The following HTR3B variants were observed in gnomAD, a reference collection of about 807,000 sequenced individuals.
The protein encoded by HTR3B is 5-hydroxytryptamine receptor 3B, also known as 5-hydroxytryptamine (serotonin) receptor 3B, ionotropic.
Under a neutral mutation model 42.8 loss-of-function variants are expected in HTR3B, and 44 were observed. The observed-to-expected ratio is 1.03, with a 90% confidence interval of 0.81 to 1.32. HTR3B has a LOEUF of 1.32. Among genes scored for constraint, HTR3B ranks in the 40% most tolerant of loss-of-function variants. The probability of loss-of-function intolerance (pLI) is 0.00; values close to 1 mark genes in which losing one functional copy is unlikely to be tolerated. For missense variants in HTR3B, 527 were observed against 536.5 expected, an observed-to-expected ratio of 0.98 and a Z score of 0.17; for synonymous variants, 203 against 209.0, an observed-to-expected ratio of 0.97 and a Z score of 0.25.
At chr11:113,899,083 GGTAAGTCT>G in the HTR3B span, among the ~76,000 whole-genome samples, 1 of 152,126 alleles carries the variant, frequency 6.6e-6, no homozygotes, top group Non-Finnish European at 1.5e-5. Context: ...TGCACAATGA[GGTAAGTCT>G]GACTTGAAGG....
the HTR3B span, among the ~76,000 whole-genome samples, chr11:113,899,656 T>A: frequency 7.2e-5 from 11 of 152,312 alleles, no homozygotes; most frequent in Admixed American, 7.2e-4. Context: ...TAAAAACTAT[T>A]TAGTAGTCTT....
At chr11:113,905,852 A>AT (rs1294455982) in intron 1 of HTR3B, among the ~76,000 whole-genome samples, 2 of 152,190 alleles carry the variant, frequency 1.3e-5, no homozygotes, top group South Asian at 2.1e-4. Flanking sequence ...GCTGGAAATG[A>AT]TTTTTTTATT....
At chr11:113,936,035 C>A (rs1950089347) in intron 6 of HTR3B, among the ~76,000 whole-genome samples, 1 of 152,070 alleles carries the variant, frequency 6.6e-6, no homozygotes, top group Non-Finnish European at 1.5e-5. Context: ...CCACAGGGGG[C>A]CCAGAGCATA....
Position 113,943,203 on chromosome 11 carries a change from T to A in HTR3B, c.907+11T>A. 1 of 1,601,476 alleles carries A rather than the reference T, an allele frequency of 6.2e-7. No individual in the cohort carries two copies. Among genetic ancestry groups the A allele is most frequent in the South Asian group, 1.1e-5 (1 of 90,224 alleles). On this transcript the variant is annotated intron_variant, in intron 7 of 8. Transcript: ENST00000260191. ...GCACCCCTCTGATTGGTAAGCAGCC[T>A]CGGGGTCACTGGACACTCATCTTAC...
chr11:113,914,428 C>T (rs777852756), intron 2 of HTR3B, among the ~76,000 whole-genome samples: 2 of 150,690 alleles, frequency 1.3e-5, no homozygotes, highest in Non-Finnish European at 3.0e-5. Context: ...CACGCCATTG[C>T]ACTCCAGCCT....
chr11:113,902,400 G>C (rs982408036), upstream of HTR3B, among the ~76,000 whole-genome samples: 2 of 152,012 alleles, frequency 1.3e-5, no homozygotes, highest in Non-Finnish European at 2.9e-5. Flanking sequence ...GGGTTCACAA[G>C]ATTCTCATGC....
intron 2 of HTR3B, among the ~76,000 whole-genome samples, chr11:113,917,751 C>T: frequency 6.6e-6 from 1 of 152,034 alleles, no homozygotes; most frequent in East Asian, 1.9e-4. Context: ...ACTACAGGCA[C>T]ATGCCACCAC....
intron 2 of HTR3B, among the ~76,000 whole-genome samples, chr11:113,919,408 A>G (rs1223125158): frequency 6.6e-6 from 1 of 152,196 alleles, no homozygotes; most frequent in African/African-American, 2.4e-5. Flanking sequence ...TTCAGTTTCA[A>G]TTTATTTTAA....
intron 6 of HTR3B, 44 bp downstream of exon 6, chr11:113,933,137 C>A: frequency 1.9e-6 from 3 of 1,584,704 alleles, no homozygotes; most frequent in South Asian, 2.3e-5. Flanking sequence ...TTCTCCCCAG[C>A]CTTTGGCCTT....
intron 6 of HTR3B, among the ~76,000 whole-genome samples, chr11:113,936,000 G>A (rs1233361641): frequency 6.6e-6 from 1 of 152,066 alleles, no homozygotes; most frequent in Admixed American, 6.6e-5. Flanking sequence ...AGGACACCAC[G>A]GATACTTTGG....
In HTR3B at chr11:113,947,431, A is replaced by T. The variant is rs772981729; in HGVS notation, c.*1294A>T. Among the ~76,000 whole-genome samples the T allele has an allele frequency of 6.6e-6, 1 of 152,210 alleles. No individual in the cohort carries two copies. The highest frequency in any genetic ancestry group is 1.5e-5 in the Non-Finnish European group (1 of 68,032). ...TCCACTGTCCCTGAACTAGTCAGCT[A>T]GGAAATACTACACACTAAGTTGCTT... On this transcript the variant is annotated 3_prime_UTR_variant, in exon 9 of 9. Coordinates refer to ENST00000260191, the MANE Select transcript of HTR3B (RefSeq NM_006028.5).
upstream of HTR3B, among the ~76,000 whole-genome samples, chr11:113,904,445 C>T (rs1949719392): frequency 6.6e-6 from 1 of 152,156 alleles, no homozygotes; most frequent in African/African-American, 2.4e-5. Flanking sequence ...ATTCAAGAGC[C>T]CAAGAACCAC....
intron 3 of HTR3B, 111 bp from the exon 4 acceptor site, chr11:113,931,647 A>T: frequency 1.3e-6 from 1 of 741,192 alleles, no homozygotes; most frequent in Non-Finnish European, 2.3e-6. Context: ...CCTAACAGGT[A>T]GAACCAAGAG....
intron 2 of HTR3B, among the ~76,000 whole-genome samples, chr11:113,913,349 AATTTTTTT>A: frequency 1.5e-5 from 1 of 67,240 alleles, no homozygotes; most frequent in Admixed American, 2.0e-4. Flanking sequence ...ATGTCTGGCT[AATTTTTTT>A]TTTTTTTTTT....
At position 113,932,918 on chromosome 11, in the gene HTR3B, T is replaced by C. The variant is rs1950051357; in HGVS notation, c.539-18T>C. 1 of 1,609,376 alleles carries C rather than the reference T, an allele frequency of 6.2e-7. No individual in the cohort carries two copies. Among genetic ancestry groups the C allele is most frequent in the Non-Finnish European group, 8.5e-7 (1 of 1,177,678 alleles). ...TCTCTTTCTCTCTGGGAAAGTCAAT[T>C]GTTTGTGTTGTTTGCAGTGGAAGAC... On this transcript the variant is annotated intron_variant, in intron 5 of 8. Coordinates refer to ENST00000260191, the MANE Select transcript of HTR3B (RefSeq NM_006028.5).
At chr11:113,944,140 C>T (rs1208895512) in intron 7 of HTR3B, among the ~76,000 whole-genome samples, 5 of 151,774 alleles carry the variant, frequency 3.3e-5, no homozygotes, top group Non-Finnish European at 7.4e-5. Flanking sequence ...CTGCCTCAGC[C>T]TCCAGAGTAG....
At chr11:113,917,928 C>T (rs1949872926) in intron 2 of HTR3B, among the ~76,000 whole-genome samples, 1 of 152,140 alleles carries the variant, frequency 6.6e-6, no homozygotes, top group Admixed American at 6.6e-5. Context: ...TGAACAGATC[C>T]TTTTACTGTT....
intron 2 of HTR3B, among the ~76,000 whole-genome samples, chr11:113,920,038 CT>C (rs1214611611): frequency 3.3e-5 from 5 of 151,628 alleles, no homozygotes; most frequent in African/African-American, 1.2e-4. Context: ...TTTATTTTTA[CT>C]TTTTTTGAGA....
intron 6 of HTR3B, among the ~76,000 whole-genome samples, chr11:113,937,218 A>G (rs1950098735): frequency 6.6e-6 from 1 of 152,198 alleles, no homozygotes; most frequent in Non-Finnish European, 1.5e-5. Context: ...CAGAAGCAGG[A>G]GTCACTGCTT....
Sources: allele counts gnomAD v4.1 joint callset (sites outside exome capture counted in the v4.1 genomes callset), GRCh38; gene constraint gnomAD v4.1.1; transcripts MANE v1.5; gene names NCBI Gene and HGNC (gene_info 2026-07-23, HGNC 2026-07-21).